The following PBX4 variants were observed in gnomAD, a reference collection of about 807,000 sequenced individuals.
The protein encoded by PBX4 is pre-B-cell leukemia transcription factor 4.
Under a neutral mutation model 35.1 loss-of-function variants are expected in PBX4, and 26 were observed. The observed-to-expected ratio is 0.74, with a 90% confidence interval of 0.54 to 1.03. The LOEUF (loss-of-function observed/expected upper bound fraction) is 1.03. Among genes scored for constraint, PBX4 ranks in the 50% least tolerant of loss-of-function variants. The probability of loss-of-function intolerance (pLI) is 0.00; values close to 1 mark genes in which losing one functional copy is unlikely to be tolerated. For synonymous variants in PBX4, 199 were observed against 204.2 expected (o/e 0.97, Z 0.22); for missense variants, 448 against 504.3 (o/e 0.89, Z 1.07).
At chr19:19,575,005 A>C (rs1401849328) in intron 2 of PBX4, among the ~76,000 whole-genome samples, 2 of 151,832 alleles carry the variant, frequency 1.3e-5, no homozygotes, top group African/African-American at 4.8e-5. Flanking sequence ...ATTTTCTAAC[A>C]ATCTTACTTT....
rs370581245 is a variant in PBX4, at chr19:19,562,154, C to T, written c.1033-37G>A. ...GAGACTGAGCATCAGAGTGGGTGGC[C>T]GTGAGACTGGTGACTACCCAGCCCA... On this transcript the variant is annotated intron_variant, in intron 7 of 7. Coordinates refer to ENST00000251203, the MANE Select transcript of PBX4 (RefSeq NM_025245.3). The surrounding 1 kb of genome is among the most constrained non-coding windows in gnomAD (Gnocchi z 4.8). 7.2e-6 allele frequency: 11 copies of T among 1,537,606 alleles called. No homozygotes were observed. Among genetic ancestry groups the T allele is most frequent in the African/African-American group, 2.7e-5 (2 of 73,238 alleles).
chr19:19,590,773 A>G (rs1030672737), intron 2 of PBX4, among the ~76,000 whole-genome samples: 1 of 151,948 alleles, frequency 6.6e-6, no homozygotes, highest in African/African-American at 2.4e-5. Flanking sequence ...CTGGACACAC[A>G]TTTTGTTTTT....
chr19:19,574,637 T>A (rs532862772), intron 2 of PBX4, among the ~76,000 whole-genome samples: 1 of 151,106 alleles, frequency 6.6e-6, no homozygotes, highest in Non-Finnish European at 1.5e-5. Context: ...CCTTTTTTTT[T>A]CCTTTTTTTT....
chr19:19,582,526 A>G (rs191609940), intron 2 of PBX4, among the ~76,000 whole-genome samples: 144 of 152,194 alleles, frequency 9.5e-4, no homozygotes, highest in African/African-American at 3.4e-3. Context: ...CCAGGGCAAA[A>G]CCACCTTCCC....
Position 19,570,259 on chromosome 19 carries a change from TGGA to T in PBX4, c.479_481del (p.Leu160del). 6.2e-7 allele frequency: 1 copy of T among 1,612,988 alleles called. No individual in the cohort carries two copies. Among genetic ancestry groups the T allele is most frequent in the Non-Finnish European group, 8.5e-7 (1 of 1,179,358 alleles). Reference sequence around the variant, plus strand: ...GACAGGCCTCATCCTGCTCTGCTCCTGGAGGAGGTTGGTGACGTGCGTGGTGAA... The same window carrying T: ...GACAGGCCTCATCCTGCTCTGCTCCTGGAGGTTGGTGACGTGCGTGGTGAA... On this transcript the variant is annotated inframe_deletion, in exon 4 of 8. Transcript: ENST00000251203.
chr19:19,610,274 G>C (rs548409115), intron 1 of PBX4, among the ~76,000 whole-genome samples: 1 of 152,200 alleles, frequency 6.6e-6, no homozygotes, highest in South Asian at 2.1e-4. Context: ...TTAGCTGGGT[G>C]TGGTGGCACG....
At chr19:19,591,605 C>T (rs2061528741) in intron 2 of PBX4, among the ~76,000 whole-genome samples, 2 of 152,220 alleles carry the variant, frequency 1.3e-5, no homozygotes, top group African/African-American at 2.4e-5. Context: ...TTCTCAAGAA[C>T]GGCCCAGGAT....
intron 2 of PBX4, among the ~76,000 whole-genome samples, chr19:19,577,987 G>A (rs1191834968): frequency 6.9e-6 from 1 of 145,786 alleles, no homozygotes; most frequent in Non-Finnish European, 1.5e-5. Context: ...AGACTAGCCT[G>A]GCCAACATGG....
chr19:19,582,013 C>A (rs1441681600), intron 2 of PBX4, among the ~76,000 whole-genome samples: 1 of 152,136 alleles, frequency 6.6e-6, no homozygotes, highest in African/African-American at 2.4e-5. Flanking sequence ...GTGGCCCCAG[C>A]AGGAGGCTGG....
chr19:19,618,375 T>A, intron 1 of PBX4, 136 bp downstream of exon 1: 1 of 753,204 alleles, frequency 1.3e-6, no homozygotes, highest in African/African-American at 1.9e-5. Context: ...ACCCCATACA[T>A]CCCTTCGTCC....
At chr19:19,600,525 A>C (rs75870731) in intron 1 of PBX4, among the ~76,000 whole-genome samples, 1 of 149,736 alleles carries the variant, frequency 6.7e-6, no homozygotes, top group African/African-American at 2.4e-5. Context: ...GTCATTAAGA[A>C]AAAAAAAAAA....
rs1044661400 is a variant in PBX4 at position 19,562,643 on chromosome 19, C to T, written c.1033-526G>A. On this transcript the variant is annotated intron_variant, in intron 7 of 7. Coordinates refer to ENST00000251203, the MANE Select transcript of PBX4 (RefSeq NM_025245.3). The surrounding 1 kb of genome is among the most constrained non-coding windows in gnomAD (Gnocchi z 4.8). ...CGCTAAGACGTTTGTCCACAGGACC[C>T]ACCCCCACTATGGTGGGCACGGTAC... Among the ~76,000 whole-genome samples the T allele has an allele frequency of 6.6e-6, 1 of 152,164 alleles. No homozygotes were observed. The highest frequency in any genetic ancestry group is 2.4e-5 in the African/African-American group (1 of 41,446).
At chr19:19,596,562 A>G (rs2061562324) in intron 2 of PBX4, among the ~76,000 whole-genome samples, 1 of 152,100 alleles carries the variant, frequency 6.6e-6, no homozygotes, top group Non-Finnish European at 1.5e-5. Flanking sequence ...ACACCCCAAC[A>G]GCAATGAGCA....
In PBX4 at chr19:19,569,488, T is replaced by C; in HGVS notation, c.729A>G (p.Lys243=). 1.2e-6 allele frequency: 2 copies of C among 1,613,710 alleles called. No individual in the cohort carries two copies. The highest frequency in any genetic ancestry group is 1.7e-6 in the Non-Finnish European group (2 of 1,179,800). Residue 243 remains lysine, a synonymous_variant, in exon 5 of 8, where the codon AAA becomes AAG. Transcript: ENST00000251203. Reference sequence around the variant, plus strand: ...GGCCGCCCTTCCTGGCCAGCTCTTCTTTGGCTTCTTCGCTGGGGTAAGGGT... The same window carrying C: ...GGCCGCCCTTCCTGGCCAGCTCTTCCTTGGCTTCTTCGCTGGGGTAAGGGT... The part of the protein sequence containing the change: ...LNNPYPSEEA[K]EELARKGGLT...
rs1393775860 is a variant in PBX4 at position 19,581,018 on chromosome 19, C to A, written c.194-10185G>T. Among the ~76,000 whole-genome samples the A allele has an allele frequency of 4.6e-5, 7 of 152,330 alleles. No homozygotes were observed. In the East Asian group the frequency reaches 5.8e-4, roughly 13 times the overall value. On this transcript the variant is annotated intron_variant, in intron 2 of 7. Transcript: ENST00000251203. ...AAAGTGCTAGGATTACAGGCATGAA[C>A]CACTACGCCCGACCAGATTTTACCT...
intron 1 of PBX4, among the ~76,000 whole-genome samples, chr19:19,610,072 G>C (rs543875037): frequency 6.6e-6 from 1 of 152,292 alleles, no homozygotes; most frequent in South Asian, 2.1e-4. Flanking sequence ...TATTTCAAAG[G>C]GGATTTTGCC....
At chr19:19,601,794 G>GCTCC (rs1405795282) in intron 1 of PBX4, among the ~76,000 whole-genome samples, 2 of 152,148 alleles carry the variant, frequency 1.3e-5, no homozygotes, top group African/African-American at 4.8e-5. Flanking sequence ...CAGCCCATGG[G>GCTCC]CTCACTGGGC....
intron 2 of PBX4, among the ~76,000 whole-genome samples, chr19:19,594,822 A>C (rs1419022737): frequency 6.6e-6 from 1 of 152,060 alleles, no homozygotes; most frequent in Non-Finnish European, 1.5e-5. Context: ...CCTGGGTTCA[A>C]GTGATACTCC....
intron 2 of PBX4, among the ~76,000 whole-genome samples, chr19:19,590,300 T>C (rs923637360): frequency 5.3e-5 from 8 of 152,210 alleles, no homozygotes; most frequent in African/African-American, 1.7e-4. Flanking sequence ...ACTCTTCATA[T>C]TGATGGAATC....
Sources: allele counts gnomAD v4.1 joint callset (sites outside exome capture counted in the v4.1 genomes callset), GRCh38; gene constraint gnomAD v4.1.1; non-coding constraint Gnocchi (gnomAD v3.1); transcripts MANE v1.5; gene names NCBI Gene and HGNC (gene_info 2026-07-23, HGNC 2026-07-21).